Variants in TTC39B observed in about 807,000 individuals in gnomAD.
TTC39B encodes the protein tetratricopeptide repeat protein 39B.
Under a neutral mutation model 96.6 loss-of-function variants are expected in TTC39B, and 92 were observed. That is an observed-to-expected ratio of 0.95 (90% CI 0.80 to 1.13). The LOEUF (loss-of-function observed/expected upper bound fraction) is 1.13. TTC39B is among the 50% of genes most tolerant of loss of function. The pLI is 0.00. For synonymous variants in TTC39B, 367 were observed against 299.4 expected, an observed-to-expected ratio of 1.23 and a Z score of -2.33; for missense variants, 955 against 809.3, an observed-to-expected ratio of 1.18 and a Z score of -2.18.
rs193075720 is a variant in TTC39B, at chr9:15,271,455, T to A, written c.241-3507A>T. On this transcript the variant is annotated intron_variant, in intron 1 of 19. Coordinates refer to ENST00000512701, the Ensembl canonical transcript of TTC39B. Reference sequence around the variant, plus strand: ...CAGATGATGGGGGACAGTGAGGAGATGGTTTCAGGATGAAACTGTTCCACC... The same window carrying A: ...CAGATGATGGGGGACAGTGAGGAGAAGGTTTCAGGATGAAACTGTTCCACC... Among the ~76,000 whole-genome samples, 435 of 152,318 alleles carry A rather than the reference T, an allele frequency of 2.9e-3. 2 individuals carry two copies. The highest frequency in any genetic ancestry group is 4.4e-3 in the Non-Finnish European group (299 of 68,030).
At chr9:15,222,032 G>C (rs1223428931) in intron 3 of TTC39B, among the ~76,000 whole-genome samples, 1 of 152,216 alleles carries the variant, frequency 6.6e-6, no homozygotes, top group East Asian at 1.9e-4. Context: ...GAAGAAGCAA[G>C]AAAGAGTAAC....
chr9:15,218,111 A>G (rs1389212385), intron 3 of TTC39B, among the ~76,000 whole-genome samples: 2 of 144,110 alleles, frequency 1.4e-5, no homozygotes, highest in Non-Finnish European at 3.0e-5. Flanking sequence ...CGGAGGTTGC[A>G]GTGAGCTGAG....
At position 15,250,510 on chromosome 9, in the gene TTC39B, T is replaced by A. The variant is rs183578762; in HGVS notation, c.275+17404A>T. 1.4e-3 allele frequency among the ~76,000 whole-genome samples: 210 copies of A among 152,144 alleles called. 1 individual carries two copies. The highest frequency in any genetic ancestry group is 4.6e-3 in the African/African-American group (189 of 41,498). On this transcript the variant is annotated intron_variant, in intron 2 of 19. Transcript: ENST00000512701. ...TTTTATATCATGGACTTTAAAAAAA[T>A]ACTAAATAAGAGAAAATCAACTTTT...
chr9:15,255,336 T>C (rs1354464755), intron 2 of TTC39B, among the ~76,000 whole-genome samples: 1 of 152,010 alleles, frequency 6.6e-6, no homozygotes, highest in Non-Finnish European at 1.5e-5. Flanking sequence ...AATATCACTA[T>C]GCCTTTGAGG....
At chr9:15,224,391 T>G (rs1264614706) in intron 3 of TTC39B, 1 of 152,384 alleles carries the variant, frequency 6.6e-6, no homozygotes, top group African/African-American at 2.4e-5. Flanking sequence ...GTAGTCTTCC[T>G]CTCTCACACA....
At chr9:15,294,462 A>G (rs1047502657) in intron 1 of TTC39B, among the ~76,000 whole-genome samples, 1 of 152,234 alleles carries the variant, frequency 6.6e-6, no homozygotes, top group African/African-American at 2.4e-5. Context: ...AAAGGTTACA[A>G]CACCATTTAT....
chr9:15,232,234 C>T (rs894383560), intron 2 of TTC39B: 1 of 152,722 alleles, frequency 6.5e-6, no homozygotes, highest in African/African-American at 2.4e-5. Flanking sequence ...CTACTGACCT[C>T]CAGGTCAAAC....
At chr9:15,199,467 G>C (rs532602460) in intron 8 of TTC39B, among the ~76,000 whole-genome samples, 1 of 152,076 alleles carries the variant, frequency 6.6e-6, no homozygotes, top group East Asian at 1.9e-4. Context: ...CAGGCGCGGT[G>C]GCTCACGCGT....
At chr9:15,185,587 G>A in intron 15 of TTC39B, 181 bp from the exon 16 acceptor site, 1 of 829,420 alleles carries the variant, frequency 1.2e-6, no homozygotes, top group South Asian at 2.0e-5. Context: ...GCAACTCCAG[G>A]GCCGGGGCCG....
chr9:15,276,460 G>C (rs1399158764), intron 1 of TTC39B, among the ~76,000 whole-genome samples: 1 of 152,204 alleles, frequency 6.6e-6, no homozygotes, highest in East Asian at 1.9e-4. Flanking sequence ...CTGGCATGGA[G>C]CCAGTGCCCA....
intron 1 of TTC39B, among the ~76,000 whole-genome samples, chr9:15,279,230 T>C (rs1476659387): frequency 6.6e-6 from 1 of 152,220 alleles, no homozygotes; most frequent in Non-Finnish European, 1.5e-5. Flanking sequence ...ATGATCTTGC[T>C]CCACCCTTGA....
intron 2 of TTC39B, among the ~76,000 whole-genome samples, chr9:15,240,846 T>C: frequency 6.6e-6 from 1 of 152,196 alleles, no homozygotes; most frequent in South Asian, 2.1e-4. Context: ...TTTTCTAATT[T>C]TATCTTTTCT....
intron 1 of TTC39B, among the ~76,000 whole-genome samples, chr9:15,284,357 T>C (rs73646031): frequency 0.013 from 1,996 of 152,316 alleles, 42 homozygotes; most frequent in African/African-American, 0.045. Flanking sequence ...CACACATACA[T>C]TGACACAGCA....
At chr9:15,290,623 G>A (rs144286464) in intron 1 of TTC39B, among the ~76,000 whole-genome samples, 360 of 152,316 alleles carry the variant, frequency 2.4e-3, no homozygotes, top group African/African-American at 8.3e-3. Context: ...TTTGTTTTAC[G>A]TAAAATGCAG....
At chr9:15,185,529 C>G in intron 15 of TTC39B, 123 bp from the exon 16 acceptor site, 1 of 1,477,746 alleles carries the variant, frequency 6.8e-7, no homozygotes, top group Non-Finnish European at 9.1e-7. Context: ...ACCTGGGAAC[C>G]TATTTGAAAT....
At chr9:15,171,966 C>A in exon 20 of TTC39B, 1 of 1,368,670 alleles carries the variant, frequency 7.3e-7, no homozygotes, top group Non-Finnish European at 1.0e-6. Context: ...AAGGTTGAAT[C>A]TATAGCAGAT....
chr9:15,172,020 C>T, exon 20 of TTC39B: 2 of 1,610,498 alleles, frequency 1.2e-6, no homozygotes, highest in Non-Finnish European at 1.7e-6. Flanking sequence ...AAGTTCTGAT[C>T]AATCTGAGGA....
At chr9:15,303,117 G>A (rs968700000) in intron 1 of TTC39B, among the ~76,000 whole-genome samples, 20 of 151,940 alleles carry the variant, frequency 1.3e-4, no homozygotes, top group African/African-American at 3.4e-4. Flanking sequence ...GCAGTGAGCC[G>A]AGATTGTGCC....
intron 2 of TTC39B, among the ~76,000 whole-genome samples, chr9:15,233,480 C>T (rs12005901): frequency 0.022 from 3,406 of 151,516 alleles, 138 homozygotes; most frequent in African/African-American, 0.077. Flanking sequence ...CTCAGCCTGC[C>T]CAGTGCCTGC....
Sources: allele counts gnomAD v4.1 joint callset (sites outside exome capture counted in the v4.1 genomes callset), GRCh38; gene constraint gnomAD v4.1.1; transcripts MANE v1.5; gene names NCBI Gene and HGNC (gene_info 2026-07-23, HGNC 2026-07-21).